Variants in TSC22D3 observed in about 807,000 individuals in gnomAD.
The protein encoded by TSC22D3 is TSC22 domain family protein 3.
Under a neutral mutation model 11.1 loss-of-function variants are expected in TSC22D3, and 4 were observed. The observed-to-expected ratio is 0.36, with a 90% confidence interval of 0.18 to 0.83. The LOEUF (loss-of-function observed/expected upper bound fraction) is 0.83, where lower values mean the gene tolerates loss of function less well. Among genes scored for constraint, TSC22D3 ranks in the 40% least tolerant of loss-of-function variants. The pLI is 0.48. For missense variants in TSC22D3, 118 were observed against 159.4 expected, an observed-to-expected ratio of 0.74 and a Z score of 1.40; for synonymous variants, 77 against 70.3, an observed-to-expected ratio of 1.10 and a Z score of -0.48.
At chrX:107,731,561 C>T in intron 1 of TSC22D3, among the ~76,000 whole-genome samples, 1 of 111,890 alleles carries the variant, frequency 8.9e-6, no homozygotes, top group Non-Finnish European at 1.9e-5. Context: ...ATAGTATGTG[C>T]TCAACAAATG....
rs1353484818 is a variant in TSC22D3, at chrX:107,713,708, A to G, written c.*811T>C. The G allele has an allele frequency of 8.9e-6, 1 of 111,769 alleles. No individual in the cohort carries two copies. Among genetic ancestry groups the G allele is most frequent in the Non-Finnish European group, 1.9e-5 (1 of 53,151 alleles). The allele number at this position is 111,769 out of a possible 1,213,427, so 9.2% of individuals were successfully genotyped here. On this transcript the variant is annotated 3_prime_UTR_variant, in exon 3 of 3. Coordinates refer to ENST00000372383, the MANE Select transcript of TSC22D3 (RefSeq NM_198057.3). ...ACTCTCGAGTCTTACTTAACCTAAA[A>G]GACAAACTGGGTCAACTTGGTAAAT...
intron 1 of TSC22D3, among the ~76,000 whole-genome samples, chrX:107,723,338 T>C (rs1036125596): frequency 8.9e-6 from 1 of 112,733 alleles, no homozygotes; most frequent in Non-Finnish European, 1.9e-5. Flanking sequence ...ATTTGCTTTC[T>C]GAGTTGCTAG....
intron 1 of TSC22D3, among the ~76,000 whole-genome samples, chrX:107,732,999 C>T (rs1008588902): frequency 4.6e-5 from 5 of 108,631 alleles, no homozygotes; most frequent in African/African-American, 1.0e-4. Flanking sequence ...TACTCCCGGC[C>T]GAGGTGGGAG....
At chrX:107,745,237 C>T (rs966814652) in intron 1 of TSC22D3, among the ~76,000 whole-genome samples, 3 of 111,740 alleles carry the variant, frequency 2.7e-5, no homozygotes, top group African/African-American at 9.8e-5. Flanking sequence ...CATTCCATTC[C>T]ATCCCAGCAT....
At chrX:107,730,237 G>A (rs1927821421) in intron 1 of TSC22D3, among the ~76,000 whole-genome samples, 2 of 112,039 alleles carry the variant, frequency 1.8e-5, no homozygotes, top group Non-Finnish European at 3.8e-5. Flanking sequence ...CAAGCAAATG[G>A]CAGAGATCAG....
At chrX:107,766,503 C>T (rs1291713189) in intron 1 of TSC22D3, among the ~76,000 whole-genome samples, 1 of 85,741 alleles carries the variant, frequency 1.2e-5, no homozygotes, top group Non-Finnish European at 2.2e-5. Flanking sequence ...AGTTTCTGAA[C>T]CAACAAGCAG....
chrX:107,729,697 AC>A (rs1758854678), intron 1 of TSC22D3, among the ~76,000 whole-genome samples: 1 of 111,565 alleles, frequency 9.0e-6, no homozygotes, highest in African/African-American at 3.3e-5. Flanking sequence ...CCCCCTCTCC[AC>A]CCCCGGGGCC....
At chrX:107,720,878 G>A (rs1684283064) in intron 1 of TSC22D3, among the ~76,000 whole-genome samples, 1 of 110,876 alleles carries the variant, frequency 9.0e-6, no homozygotes, top group Admixed American at 9.5e-5. Context: ...GTGAGTGGAA[G>A]TTTGTGCTGT....
At chrX:107,715,343 T>C (rs1258375795) in intron 2 of TSC22D3, among the ~76,000 whole-genome samples, 1 of 112,346 alleles carries the variant, frequency 8.9e-6, no homozygotes, top group Non-Finnish European at 1.9e-5. Flanking sequence ...ATTTGATGAC[T>C]GCACTGGGGG....
chrX:107,768,092 T>C (rs1320917461), intron 1 of TSC22D3, among the ~76,000 whole-genome samples: 1 of 112,263 alleles, frequency 8.9e-6, no homozygotes. Flanking sequence ...TTTACAGTTA[T>C]CTCTAGGGAT....
intron 1 of TSC22D3, among the ~76,000 whole-genome samples, chrX:107,761,485 A>G (rs1305382655): frequency 8.9e-6 from 1 of 112,751 alleles, no homozygotes; most frequent in African/African-American, 3.2e-5. Flanking sequence ...TTTTGGAGAC[A>G]TGGCCACTGC....
intron 1 of TSC22D3, among the ~76,000 whole-genome samples, chrX:107,747,045 C>T (rs999518153): frequency 3.5e-5 from 4 of 112,909 alleles, no homozygotes; most frequent in South Asian, 3.6e-4. Context: ...TGCTAGCTGA[C>T]CTTTGCAAGG....
rs753818452 is a variant in TSC22D3, at chrX:107,767,986, CAACTT to C, written c.320+7109_320+7113del. On this transcript the variant is annotated intron_variant, in intron 1 of 2. Transcript: ENST00000372383. ...ATCAAATGAACCCATGTTTTAGTCTCAACTTAGCACATTGGTTTCTCCAGGGTTCA... is the reference window on the plus strand; with the variant it reads ...ATCAAATGAACCCATGTTTTAGTCTCAGCACATTGGTTTCTCCAGGGTTCA... Among the ~76,000 whole-genome samples, 7 of 112,592 alleles carry C rather than the reference CAACTT, an allele frequency of 6.2e-5. No homozygotes were observed. In the South Asian group the frequency reaches 2.6e-3, roughly 41 times the overall value.
intron 1 of TSC22D3, among the ~76,000 whole-genome samples, chrX:107,749,513 A>G (rs1163574911): frequency 2.7e-5 from 3 of 111,369 alleles, no homozygotes; most frequent in African/African-American, 9.8e-5. Context: ...CTGATCTTGA[A>G]CTTCTGGCTT....
chrX:107,716,370 C>T, intron 1 of TSC22D3: 1 of 924,712 alleles, frequency 1.1e-6, no homozygotes, highest in Non-Finnish European at 1.3e-6. Context: ...CCGGCCTTCT[C>T]CCAAGCGGCG....
chrX:107,754,209 C>T (rs187664473), intron 1 of TSC22D3, among the ~76,000 whole-genome samples: 31 of 111,112 alleles, frequency 2.8e-4, no homozygotes, highest in East Asian at 8.5e-4. Context: ...TGAGCCACCG[C>T]GCCTGGCCTA....
chrX:107,747,684 C>T (rs894872902), intron 1 of TSC22D3, among the ~76,000 whole-genome samples: 1 of 113,155 alleles, frequency 8.8e-6, no homozygotes, highest in African/African-American at 3.2e-5. Flanking sequence ...AGACACTCGG[C>T]TGTTGCCGTT....
chrX:107,729,693 C>A (rs1264693376), intron 1 of TSC22D3, among the ~76,000 whole-genome samples: 1 of 112,534 alleles, frequency 8.9e-6, no homozygotes, highest in Non-Finnish European at 1.9e-5. Context: ...GCATCCCCCT[C>A]TCCACCCCCG....
In TSC22D3 at chrX:107,754,841, G is replaced by A. The variant is rs565798736; in HGVS notation, c.320+20259C>T. 5.1e-3 allele frequency among the ~76,000 whole-genome samples: 572 copies of A among 111,743 alleles called. 1 individual carries two copies. The highest frequency in any genetic ancestry group is 0.022 in the South Asian group (59 of 2,701). On this transcript the variant is annotated intron_variant, in intron 1 of 2. Transcript: ENST00000372383. Reference sequence around the variant, plus strand: ...TGACAGAGATTGCAAATTTTTTTTCGTGAAAAATCAGACCTTGGCGATAAC... The same window carrying A: ...TGACAGAGATTGCAAATTTTTTTTCATGAAAAATCAGACCTTGGCGATAAC...
Sources: allele counts gnomAD v4.1 joint callset (sites outside exome capture counted in the v4.1 genomes callset), GRCh38; gene constraint gnomAD v4.1.1; transcripts MANE v1.5; gene names NCBI Gene and HGNC (gene_info 2026-07-23, HGNC 2026-07-21).